The following VPS8 variants were observed in gnomAD, a reference collection of about 807,000 sequenced individuals.
VPS8 encodes VPS8 subunit of CORVET complex.
VPS8 carries 129 observed loss-of-function variants against 216.4 expected under a neutral mutation model. The ratio of observed to expected loss-of-function variants is 0.60; its 90% CI spans 0.52 to 0.69. VPS8 has a LOEUF of 0.69. VPS8 is among the 30% of genes least tolerant of loss of function. VPS8 has a pLI of 0.00. For synonymous variants in VPS8, 571 were observed against 565.4 expected (o/e 1.01, Z -0.14); for missense variants, 1,531 against 1,683.5 (o/e 0.91, Z 1.59).
chr3:184,960,360 C>T (rs1416079481), intron 37 of VPS8, among the ~76,000 whole-genome samples: 1 of 152,068 alleles, frequency 6.6e-6, no homozygotes, highest in African/African-American at 2.4e-5. Flanking sequence ...AAAAAAGCGT[C>T]AAAATAAAGT....
chr3:184,942,927 G>A (rs796756398), intron 36 of VPS8, among the ~76,000 whole-genome samples: 3 of 152,096 alleles, frequency 2.0e-5, no homozygotes, highest in South Asian at 2.1e-4. Context: ...GTTGAGTGCC[G>A]AGGGAGTAAA....
chr3:184,928,333 A>G (rs1740050075), intron 31 of VPS8, 118 bp from the exon 32 acceptor site: 3 of 874,572 alleles, frequency 3.4e-6, no homozygotes, highest in South Asian at 2.2e-5. Context: ...AAGCCAAAAT[A>G]TCATCAACTA....
At position 184,862,895 on chromosome 3, in the gene VPS8, A is replaced by G; in HGVS notation, c.1225-2A>G. 5.6e-6 allele frequency: 9 copies of G among 1,609,868 alleles called. No individual in the cohort carries two copies. Among genetic ancestry groups the G allele is most frequent in the Non-Finnish European group, 7.6e-6 (9 of 1,177,372 alleles). ...TTGTTTTGTTGTGTGCTTGAATTACAGTGGATAAATTCACGCACAGTTGTG... is the reference window on the plus strand; with the variant it reads ...TTGTTTTGTTGTGTGCTTGAATTACGGTGGATAAATTCACGCACAGTTGTG... On this transcript the variant is annotated splice_acceptor_variant, in intron 15 of 47. Coordinates refer to ENST00000625842, the MANE Select transcript of VPS8 (RefSeq NM_001009921.3). LOFTEE classifies it high-confidence loss of function.
chr3:184,975,535 T>G (rs1452236696), intron 40 of VPS8, among the ~76,000 whole-genome samples: 1 of 152,256 alleles, frequency 6.6e-6, no homozygotes, highest in African/African-American at 2.4e-5. Context: ...TTTGGATGCC[T>G]TTTATTTCTT....
chr3:184,854,481 C>T (rs1383077542), intron 13 of VPS8, among the ~76,000 whole-genome samples: 6 of 152,190 alleles, frequency 3.9e-5, no homozygotes, highest in African/African-American at 1.4e-4. Flanking sequence ...CTGTATATTG[C>T]TGTCCTGGTA....
chr3:184,842,754 A>G (rs1165581830), intron 7 of VPS8, among the ~76,000 whole-genome samples: 1 of 152,202 alleles, frequency 6.6e-6, no homozygotes, highest in Non-Finnish European at 1.5e-5. Flanking sequence ...GGCCCAGGTC[A>G]TTAAGAAAGA....
chr3:184,921,564 C>T (rs62289461), intron 29 of VPS8, among the ~76,000 whole-genome samples: 6,169 of 151,840 alleles, frequency 0.041, 173 homozygotes, highest in Non-Finnish European at 0.059. Flanking sequence ...ATGAGGAGTT[C>T]TGTTTTTCTT....
At chr3:184,995,845 A>G (rs376602549) in intron 43 of VPS8, among the ~76,000 whole-genome samples, 36 of 152,346 alleles carry the variant, frequency 2.4e-4, no homozygotes, top group Admixed American at 1.3e-4. Flanking sequence ...GAAGATGAAA[A>G]TAGAGTAATG....
intron 24 of VPS8, 95 bp from the exon 25 acceptor site, chr3:184,900,826 C>T: frequency 1.9e-6 from 2 of 1,039,782 alleles, no homozygotes; most frequent in Non-Finnish European, 2.8e-6. Context: ...TGACTAATTC[C>T]ATTAGCGAAT....
chr3:184,937,584 T>A (rs1741868657), intron 35 of VPS8, among the ~76,000 whole-genome samples: 2 of 152,140 alleles, frequency 1.3e-5, no homozygotes, highest in Non-Finnish European at 1.5e-5. Context: ...ATGTGAAAAG[T>A]ACTGTAGGAA....
At chr3:185,030,426 G>GCCA (rs1561196456) in intron 46 of VPS8, among the ~76,000 whole-genome samples, 7 of 151,090 alleles carry the variant, frequency 4.6e-5, no homozygotes, top group Admixed American at 1.3e-4. Context: ...TGAGGGGCCA[G>GCCA]GTGCTCTGGC....
chr3:184,995,927 T>G (rs1441753202), intron 43 of VPS8, among the ~76,000 whole-genome samples: 1 of 152,248 alleles, frequency 6.6e-6, no homozygotes, highest in Non-Finnish European at 1.5e-5. Context: ...AAATCTGGGA[T>G]TCAGACTTAG....
At chr3:184,871,277 A>G (rs1194513697) in intron 21 of VPS8, among the ~76,000 whole-genome samples, 1 of 145,244 alleles carries the variant, frequency 6.9e-6, no homozygotes, top group Non-Finnish European at 1.5e-5. Flanking sequence ...TTGGAACTTA[A>G]TGAAAATGAA....
At chr3:184,819,846 C>T (rs1459821126) in intron 1 of VPS8, among the ~76,000 whole-genome samples, 1 of 152,110 alleles carries the variant, frequency 6.6e-6, no homozygotes, top group African/African-American at 2.4e-5. Flanking sequence ...TTGTTTAACA[C>T]ATATTTTGTG....
chr3:184,869,654 C>A, intron 20 of VPS8, 126 bp downstream of exon 20: 2 of 806,036 alleles, frequency 2.5e-6, no homozygotes, highest in Admixed American at 2.8e-5. Context: ...AAAACACACA[C>A]ACACACAGAC....
At chr3:184,948,688 G>A (rs1240819407) in intron 36 of VPS8, among the ~76,000 whole-genome samples, 2 of 152,174 alleles carry the variant, frequency 1.3e-5, no homozygotes, top group Admixed American at 6.5e-5. Context: ...GTCAGAAAGT[G>A]ACATTCTTTA....
At position 184,914,974 on chromosome 3, in the gene VPS8, C is replaced by A; in HGVS notation, c.2190-7C>A. 6.2e-7 allele frequency: 1 copy of A among 1,613,720 alleles called. No individual in the cohort carries two copies. The highest frequency in any genetic ancestry group is 8.5e-7 in the Non-Finnish European group (1 of 1,179,636). ...TCACCATATCCATTCTCATTCTTTT[C>A]TTCTAGCTGTTGTCTAGCAGGTCGT... On this transcript the variant is annotated splice_polypyrimidine_tract_variant and splice_region_variant and intron_variant, in intron 26 of 47. Coordinates refer to ENST00000625842, the MANE Select transcript of VPS8 (RefSeq NM_001009921.3).
chr3:184,925,545 A>G (rs1471451286), intron 30 of VPS8, among the ~76,000 whole-genome samples: 1 of 152,132 alleles, frequency 6.6e-6, no homozygotes, highest in Non-Finnish European at 1.5e-5. Context: ...TCCTCCTTTT[A>G]TAGATGAGGA....
At chr3:185,031,225 G>C (rs1008297706) in intron 46 of VPS8, among the ~76,000 whole-genome samples, 3 of 151,994 alleles carry the variant, frequency 2.0e-5, no homozygotes, top group African/African-American at 7.3e-5. Context: ...AAAGCACTGA[G>C]ATAGATGCAG....
Sources: allele counts gnomAD v4.1 joint callset (sites outside exome capture counted in the v4.1 genomes callset), GRCh38; gene constraint gnomAD v4.1.1; transcripts MANE v1.5; gene names NCBI Gene and HGNC (gene_info 2026-07-23, HGNC 2026-07-21).